ECSIT: variants seen among roughly 807,000 people sequenced by gnomAD.
ECSIT encodes the protein ECSIT signaling integrator.
In ECSIT, 29 loss-of-function variants were observed where a neutral mutation model predicts 36.8. That is an observed-to-expected ratio of 0.79 (90% CI 0.59 to 1.08). ECSIT has a LOEUF of 1.08. Among genes scored for constraint, ECSIT ranks in the 50% least tolerant of loss-of-function variants. The pLI is 0.00. For synonymous variants in ECSIT, 231 were observed against 234.8 expected, an observed-to-expected ratio of 0.98 and a Z score of 0.15; for missense variants, 542 against 581.0, an observed-to-expected ratio of 0.93 and a Z score of 0.69.
chr19:11,521,071 G>T (rs1972093292), intron 1 of ECSIT, among the ~76,000 whole-genome samples: 1 of 152,136 alleles, frequency 6.6e-6, no homozygotes, highest in Non-Finnish European at 1.5e-5. Context: ...CTCCCAAATT[G>T]CTAGGATTAC....
chr19:11,516,656 A>G (rs1297104235), intron 2 of ECSIT, among the ~76,000 whole-genome samples: 2 of 149,688 alleles, frequency 1.3e-5, no homozygotes, highest in African/African-American at 5.1e-5. Context: ...TTATCTCTAA[A>G]AAATAAATGA....
In ECSIT at chr19:11,507,760, C is replaced by T. The variant is rs543247304; in HGVS notation, c.887G>A (p.Arg296His). 5.1e-5 allele frequency: 83 copies of T among 1,614,092 alleles called. 1 individual carries two copies. The highest frequency in any genetic ancestry group is 4.8e-4 in the South Asian group (44 of 91,092). Residue 296 changes from arginine (R) to histidine (H), a missense_variant, in exon 6 of 8, where the codon CGC becomes CAC. Physicochemically the swap from Arg to His is conservative, Grantham distance 29 (BLOSUM62 0). Coordinates refer to ENST00000270517, the MANE Select transcript of ECSIT (RefSeq NM_016581.5). ...GATGTGGTAATACACACACTTGTTG[C>T]GGAGCCACAGGGAGAAGGGGCCCTC... ...FVEGPFSLWL[R>H]NKCVYYHILR...
chr19:11,515,143 A>G (rs932850222), intron 2 of ECSIT, among the ~76,000 whole-genome samples: 6 of 135,554 alleles, frequency 4.4e-5, no homozygotes, highest in East Asian at 2.1e-4. Context: ...TCGCTTTGTC[A>G]CCCAGGCTGG....
chr19:11,511,014 A>C (rs1971859832), intron 4 of ECSIT, among the ~76,000 whole-genome samples: 1 of 146,268 alleles, frequency 6.8e-6, no homozygotes, highest in South Asian at 2.1e-4. Flanking sequence ...GCCCCCACTC[A>C]CTGCACCGCA....
At chr19:11,509,117 C>G (rs1396566736) in intron 4 of ECSIT, among the ~76,000 whole-genome samples, 1 of 146,334 alleles carries the variant, frequency 6.8e-6, no homozygotes, top group African/African-American at 2.6e-5. Flanking sequence ...GTTGCCTAGG[C>G]TGGAGTGCAA....
chr19:11,509,969 A>G (rs1971837763), intron 4 of ECSIT, among the ~76,000 whole-genome samples: 1 of 151,446 alleles, frequency 6.6e-6, no homozygotes, highest in African/African-American at 2.4e-5. Context: ...TCCTGGGTTC[A>G]AGTGATTCTC....
chr19:11,508,118 C>T (rs1971795653), intron 4 of ECSIT, 70 bp from the exon 5 acceptor site: 5 of 1,577,468 alleles, frequency 3.2e-6, no homozygotes, highest in South Asian at 1.1e-5. Context: ...GACAGAGAAA[C>T]AGAAAGGGGG....
rs2144978201 is a variant in ECSIT at position 11,513,777 on chromosome 19, C to G, written c.514+27G>C. The stretch of plus-strand genomic sequence containing the variant: ...CCAGCTATCAGTGTAGCCCACTCCC[C>G]ACCCTGCGCCAGCCTCCTGGCCTCA... On this transcript the variant is annotated intron_variant, in intron 3 of 7. Transcript: ENST00000270517. 3 of 1,612,992 alleles carry G rather than the reference C, an allele frequency of 1.9e-6. No homozygotes were observed. The South Asian group carries it at 3.3e-5, about 18-fold the overall frequency.
At chr19:11,510,061 C>T (rs900374865) in intron 4 of ECSIT, among the ~76,000 whole-genome samples, 6 of 151,906 alleles carry the variant, frequency 3.9e-5, no homozygotes, top group African/African-American at 9.7e-5. Flanking sequence ...TTAGTAGAGA[C>T]GAGGTTTCTC....
Position 11,513,106 on chromosome 19 carries a change from C to T in ECSIT, c.688G>A (p.Gly230Ser). The T allele has an allele frequency of 6.2e-7, 1 of 1,614,214 alleles. No individual in the cohort carries two copies. The highest frequency in any genetic ancestry group is 8.5e-7 in the Non-Finnish European group (1 of 1,180,050). Reference sequence around the variant, plus strand: ...AGGTCAGGCTCCATGTGCCGCAGGCCAAACATGGCCAGCTCCACAGGGTCC... The same window carrying T: ...AGGTCAGGCTCCATGTGCCGCAGGCTAAACATGGCCAGCTCCACAGGGTCC... ...PQDPVELAMF[G>S]LRHMEPDLSA... The change falls in exon 4 of 8, where the codon GGC (glycine) becomes AGC (serine). Residue 230 changes from glycine (G) to serine (S), a missense_variant. Coordinates refer to ENST00000270517, the MANE Select transcript of ECSIT (RefSeq NM_016581.5).
intron 3 of ECSIT, among the ~76,000 whole-genome samples, chr19:11,513,490 G>C (rs1246779075): frequency 6.6e-6 from 1 of 151,308 alleles, no homozygotes; most frequent in Non-Finnish European, 1.5e-5. Context: ...TTTGAGAGCA[G>C]CCTGGGCAAC....
At position 11,509,743 on chromosome 19, in the gene ECSIT, G is replaced by T. The variant is rs1004551156; in HGVS notation, c.739-1695C>A. On this transcript the variant is annotated intron_variant, in intron 4 of 7. Transcript: ENST00000270517. Reference sequence around the variant, plus strand: ...AGATTGTGCCACTGCACTCCAGCATGGGCGACAGAGCAAGGCTCTGTCTCA... The same window carrying T: ...AGATTGTGCCACTGCACTCCAGCATTGGCGACAGAGCAAGGCTCTGTCTCA... Among the ~76,000 whole-genome samples the T allele has an allele frequency of 2.0e-5, 3 of 152,002 alleles. No homozygotes were observed. The South Asian group carries it at 6.2e-4, about 32-fold the overall frequency.
intron 1 of ECSIT, chr19:11,522,550 TA>T (rs76681732): frequency 0.24 from 128,650 of 533,680 alleles, 10 homozygotes; most frequent in South Asian, 0.33. Flanking sequence ...AACGCCCCGG[TA>T]AAAAAAAAAA....
intron 1 of ECSIT, chr19:11,523,752 G>C (rs1009767236): frequency 2.9e-6 from 2 of 681,362 alleles, no homozygotes; most frequent in Non-Finnish European, 2.7e-6. Context: ...GTTGGTTGCA[G>C]TTGTGTAGTA....
chr19:11,523,644 T>A, intron 1 of ECSIT: 1 of 808,922 alleles, frequency 1.2e-6, no homozygotes, highest in Non-Finnish European at 2.1e-6. Flanking sequence ...CCCTTTGTGC[T>A]GAGCACCAAA....
At chr19:11,522,867 G>A (rs1019232859) in intron 1 of ECSIT, among the ~76,000 whole-genome samples, 8 of 152,038 alleles carry the variant, frequency 5.3e-5, no homozygotes, top group Non-Finnish European at 1.2e-4. Flanking sequence ...TCAGGAGATC[G>A]AGACCATCCT....
intron 4 of ECSIT, among the ~76,000 whole-genome samples, chr19:11,508,316 G>A (rs1568401219): frequency 6.6e-6 from 1 of 151,570 alleles, no homozygotes; most frequent in Non-Finnish European, 1.5e-5. Flanking sequence ...CCTTGGCCAA[G>A]TCACTGTACC....
At chr19:11,508,377 A>G (rs1021868759) in intron 4 of ECSIT, among the ~76,000 whole-genome samples, 1 of 120,340 alleles carries the variant, frequency 8.3e-6, no homozygotes, top group Non-Finnish European at 1.6e-5. Flanking sequence ...ACAGCACTTA[A>G]TTCCGATTTT....
intron 4 of ECSIT, among the ~76,000 whole-genome samples, chr19:11,511,899 G>T (rs1405122912): frequency 1.3e-5 from 2 of 152,086 alleles, no homozygotes; most frequent in Non-Finnish European, 2.9e-5. Flanking sequence ...TGGGCCTGGT[G>T]GTGCATGCCT....
Sources: allele counts gnomAD v4.1 joint callset (sites outside exome capture counted in the v4.1 genomes callset), GRCh38; gene constraint gnomAD v4.1.1; transcripts MANE v1.5; gene names NCBI Gene and HGNC (gene_info 2026-07-23, HGNC 2026-07-21).